Variants in INTS9 observed in about 807,000 individuals in gnomAD.
INTS9 encodes integrator complex subunit 9, also known as protein related to CPSF subunits of 74 kDa.
A neutral mutation model predicts 79.7 loss-of-function variants in INTS9; 55 were observed. The observed-to-expected ratio is 0.69, with a 90% confidence interval of 0.56 to 0.86. The LOEUF (loss-of-function observed/expected upper bound fraction) is 0.86, where lower values mean the gene tolerates loss of function less well. INTS9 is among the 40% of genes least tolerant of loss of function. The pLI is 0.00. For missense variants in INTS9, 721 were observed against 831.5 expected (o/e 0.87, Z 1.64); for synonymous variants, 319 against 325.2 (o/e 0.98, Z 0.20).
intron 4 of INTS9, among the ~76,000 whole-genome samples, chr8:28,845,525 T>C (rs569685157): frequency 1.4e-4 from 21 of 152,312 alleles, no homozygotes; most frequent in African/African-American, 5.1e-4. Context: ...GAGTACCCTA[T>C]AGAGCAAGTC....
chr8:28,876,028 C>T (rs1037641655), intron 1 of INTS9, among the ~76,000 whole-genome samples: 1 of 152,194 alleles, frequency 6.6e-6, no homozygotes, highest in African/African-American at 2.4e-5. Flanking sequence ...TAAGCCACCA[C>T]TTAGGGCTCT....
Position 28,837,729 on chromosome 8 carries a change from G to A in INTS9, c.309C>T (p.Asn103=). The change falls in exon 5 of 17, where the codon AAC becomes AAT. Residue 103 remains asparagine (N), a synonymous_variant. Coordinates refer to ENST00000521022, the MANE Select transcript of INTS9 (RefSeq NM_018250.4). ...ATGGCAGCGCCATCATACAGTGATA[G>A]TTAGAGATGAGAATCACATCTACTG... ...LSTVDVILIS[N]YHCMMALPYI... The A allele has an allele frequency of 6.2e-7, 1 of 1,613,954 alleles. No homozygotes were observed. Among genetic ancestry groups the A allele is most frequent in the South Asian group, 1.1e-5 (1 of 91,076 alleles).
intron 6 of INTS9, among the ~76,000 whole-genome samples, chr8:28,827,807 T>C (rs1463921015): frequency 6.6e-6 from 1 of 152,212 alleles, no homozygotes; most frequent in Non-Finnish European, 1.5e-5. Context: ...TGGAAAAATT[T>C]CTTATCCATA....
chr8:28,868,744 G>A (rs555509961), intron 1 of INTS9, among the ~76,000 whole-genome samples: 2 of 152,170 alleles, frequency 1.3e-5, no homozygotes, highest in South Asian at 4.2e-4. Flanking sequence ...ATTTCACTGG[G>A]TCAGTCAAAA....
Position 28,793,922 on chromosome 8 carries a change from G to A in INTS9, c.922C>T (p.Leu308Phe). 3.7e-6 allele frequency: 6 copies of A among 1,613,986 alleles called. No homozygotes were observed. Among genetic ancestry groups the A allele is most frequent in the Non-Finnish European group, 5.1e-6 (6 of 1,179,922 alleles). Residue 308 changes from leucine (L) to phenylalanine (F), a missense_variant, in exon 10 of 17, where the codon CTC (leucine) becomes TTC (phenylalanine). By Grantham distance (22) the Leu-to-Phe change is conservative. Around this residue, in one of 3 missense-constraint regions of INTS9, gnomAD observed 149 missense variants for 223.7 expected, o/e 0.67. Coordinates refer to ENST00000521022, the MANE Select transcript of INTS9 (RefSeq NM_018250.4). ...ATGTACTGATATAGGCACTCCAGGA[G>A]GTCATAGATCACTCCAGAAGGGTAG... ...PCYPSGVIYD[L>F]LECLYQYIDS...
At chr8:28,868,802 C>T (rs1201382964) in intron 1 of INTS9, among the ~76,000 whole-genome samples, 1 of 152,186 alleles carries the variant, frequency 6.6e-6, no homozygotes, top group Non-Finnish European at 1.5e-5. Flanking sequence ...ACATTGTGCT[C>T]TTTATAACTG....
chr8:28,843,727 TTTTTC>T (rs1807329978), intron 4 of INTS9, among the ~76,000 whole-genome samples: 1 of 151,798 alleles, frequency 6.6e-6, no homozygotes, highest in African/African-American at 2.4e-5. Flanking sequence ...TTCTTCTTCC[TTTTTC>T]TTTTTTTTTT....
intron 6 of INTS9, among the ~76,000 whole-genome samples, chr8:28,822,997 A>C (rs973258135): frequency 6.6e-6 from 1 of 152,134 alleles, no homozygotes; most frequent in Non-Finnish European, 1.5e-5. Context: ...CAGAATAAAG[A>C]AGCAAAGAAG....
At chr8:28,808,729 T>G (rs1039085104) in intron 8 of INTS9, among the ~76,000 whole-genome samples, 1 of 152,238 alleles carries the variant, frequency 6.6e-6, no homozygotes, top group African/African-American at 2.4e-5. Context: ...CTGAAGACAG[T>G]GGGCATTCAA....
At chr8:28,818,774 T>C (rs1421084860) in intron 6 of INTS9, among the ~76,000 whole-genome samples, 1 of 151,866 alleles carries the variant, frequency 6.6e-6, no homozygotes, top group Non-Finnish European at 1.5e-5. Flanking sequence ...TGTGAATCCA[T>C]CTGGTCCTGG....
chr8:28,780,740 T>A (rs1803206534), intron 12 of INTS9, 83 bp downstream of exon 12: 1 of 1,547,058 alleles, frequency 6.5e-7, no homozygotes, highest in Non-Finnish European at 8.7e-7. Context: ...GCAAAATCCT[T>A]CCCTGGGTCT....
chr8:28,850,049 A>G (rs1807741978), intron 3 of INTS9, 164 bp downstream of exon 3: 3 of 513,044 alleles, frequency 5.8e-6, no homozygotes, highest in East Asian at 2.9e-5. Flanking sequence ...ATGCTTAAAA[A>G]CAGCAGTTAC....
intron 14 of INTS9, among the ~76,000 whole-genome samples, chr8:28,773,701 T>TA (rs148966729): frequency 1.3e-5 from 2 of 150,748 alleles, no homozygotes; most frequent in Non-Finnish European, 3.0e-5. Context: ...TTTGTTTTTT[T>TA]ATTAGAGACA....
chr8:28,799,765 A>C (rs1804419092), intron 8 of INTS9, among the ~76,000 whole-genome samples: 1 of 152,218 alleles, frequency 6.6e-6, no homozygotes, highest in Non-Finnish European at 1.5e-5. Context: ...GAAAGTCACA[A>C]ACAAGTGATT....
At chr8:28,784,384 T>C (rs1803467864) in intron 11 of INTS9, among the ~76,000 whole-genome samples, 2 of 152,196 alleles carry the variant, frequency 1.3e-5, no homozygotes, top group African/African-American at 4.8e-5. Flanking sequence ...CACACTTAAT[T>C]TTCTGACATT....
chr8:28,858,853 C>T (rs1327229500), intron 2 of INTS9, among the ~76,000 whole-genome samples: 1 of 152,198 alleles, frequency 6.6e-6, no homozygotes, highest in Non-Finnish European at 1.5e-5. Context: ...AAGGTAGCCA[C>T]TTCTTCTATA....
chr8:28,823,052 C>T (rs1321808135), intron 6 of INTS9, among the ~76,000 whole-genome samples: 3 of 152,142 alleles, frequency 2.0e-5, no homozygotes, highest in African/African-American at 7.2e-5. Flanking sequence ...AAAGCCATGG[C>T]ATTGGGCCCA....
rs748180646 is a variant in INTS9, at chr8:28,846,729, G to A, written c.261+18C>T. On this transcript the variant is annotated intron_variant, in intron 4 of 16. Transcript: ENST00000521022. The stretch of plus-strand genomic sequence containing the variant: ...ATAATAAGGTTTGTTTCTACAATAA[G>A]ATTCACCTTAATCTTACCTCTGGTA... 6.3e-7 allele frequency: 1 copy of A among 1,586,162 alleles called. No individual in the cohort carries two copies. Among genetic ancestry groups the A allele is most frequent in the Non-Finnish European group, 8.7e-7 (1 of 1,154,740 alleles).
In INTS9 at chr8:28,775,839, G is replaced by A. The variant is rs1427130298; in HGVS notation, c.1483C>T (p.Pro495Ser). ...RMDLMIDCQP[P>S]AMSYRRAEVL... ...TCAGCCCGCCGATAGGACATGGCGG[G>A]GGGCTGGCAGTCGATCATGAGGTCC... The change falls in exon 14 of 17, where the codon CCC (proline) becomes TCC (serine). Residue 495 changes from proline (P) to serine (S), a missense_variant. Coordinates refer to ENST00000521022, the MANE Select transcript of INTS9 (RefSeq NM_018250.4). 1 of 1,613,872 alleles carries A rather than the reference G, an allele frequency of 6.2e-7. No individual in the cohort carries two copies. The highest frequency in any genetic ancestry group is 8.5e-7 in the Non-Finnish European group (1 of 1,179,886).
Sources: allele counts gnomAD v4.1 joint callset (sites outside exome capture counted in the v4.1 genomes callset), GRCh38; gene constraint gnomAD v4.1.1; regional missense constraint gnomAD v4.1.1; transcripts MANE v1.5; gene names NCBI Gene and HGNC (gene_info 2026-07-23, HGNC 2026-07-21).